Variants in RRP1B observed in about 807,000 individuals in gnomAD.
The protein encoded by RRP1B is ribosomal RNA processing protein 1 homolog B.
RRP1B carries 56 observed loss-of-function variants against 80.2 expected under a neutral mutation model. The ratio of observed to expected loss-of-function variants is 0.70; its 90% CI spans 0.56 to 0.87. RRP1B has a LOEUF of 0.87. RRP1B is among the 40% of genes least tolerant of loss of function. The pLI, the probability that RRP1B is intolerant of heterozygous loss-of-function variation, is 0.00. For synonymous variants in RRP1B, 351 were observed against 357.6 expected (o/e 0.98, Z 0.21); for missense variants, 807 against 939.8 (o/e 0.86, Z 1.85).
chr21:43,672,775 A>C (rs1568956029), intron 3 of RRP1B, among the ~76,000 whole-genome samples: 1 of 152,162 alleles, frequency 6.6e-6, no homozygotes, highest in African/African-American at 2.4e-5. Context: ...GAGAAAAAAA[A>C]TTAGTTAGGG....
At chr21:43,663,596 C>T (rs562673160) in intron 1 of RRP1B, among the ~76,000 whole-genome samples, 4 of 151,786 alleles carry the variant, frequency 2.6e-5, no homozygotes, top group Non-Finnish European at 4.4e-5. Flanking sequence ...CTTGCTCTGT[C>T]GCCCAGGCTG....
chr21:43,694,036 C>T lies in RRP1B; in HGVS notation c.*653C>T, dbSNP rs1314793021. 6.5e-6 allele frequency: 1 copy of T among 152,682 alleles called. No individual in the cohort carries two copies. The highest frequency in any genetic ancestry group is 2.4e-5 in the African/African-American group (1 of 41,418). 9.5% of individuals were successfully genotyped at this position (152,682 alleles called of 1,614,324 possible). A position where few individuals can be genotyped will look rare whatever the true frequency, so the allele number is the denominator to read the frequency against. On this transcript the variant is annotated 3_prime_UTR_variant, in exon 16 of 16. Transcript: ENST00000340648. ...TTCTTCTCCTCCCCCTACCCGGTTT[C>T]CCTCCCTGTTTTCCTACCTCTACGG...
rs1262009190 is a variant in RRP1B at position 43,675,106 on chromosome 21, G to A, written c.492G>A (p.Val164=). The A allele has an allele frequency of 6.2e-7, 1 of 1,613,942 alleles. No individual in the cohort carries two copies. The highest frequency in any genetic ancestry group is 1.3e-5 in the African/African-American group (1 of 74,904). Residue 164 remains valine, a synonymous_variant, in exon 6 of 16, where the codon GTG becomes GTA. Coordinates refer to ENST00000340648, the MANE Select transcript of RRP1B (RefSeq NM_015056.3). ...LCPESQSPNG[V]RFHFIDIYLD... is the part of the protein sequence containing the mutation. ...CTGAGAGTCAGTCTCCTAATGGAGT[G>A]AGATTCCACTTCATTGATATTTACC... is the stretch of plus-strand genomic sequence containing the variant.
In RRP1B at chr21:43,691,084, T is replaced by TA. The variant is rs751044399; in HGVS notation, c.2020-354dup. Reference sequence around the variant, plus strand: ...CGGGTTCTCAGTGGTGAACTGTTTTTAGGACAGTTCAGGCATCCTCTCTGT... The same window carrying TA: ...CGGGTTCTCAGTGGTGAACTGTTTTTAAGGACAGTTCAGGCATCCTCTCTGT... On this transcript the variant is annotated intron_variant, in intron 14 of 15. Coordinates refer to ENST00000340648, the MANE Select transcript of RRP1B (RefSeq NM_015056.3). This position sits in a 1 kb window ranked among gnomAD's most constrained non-coding sequence, Gnocchi z 4.2. Among the ~76,000 whole-genome samples the TA allele has an allele frequency of 6.6e-6, 1 of 152,206 alleles. No homozygotes were observed. Among genetic ancestry groups the TA allele is most frequent in the Non-Finnish European group, 1.5e-5 (1 of 68,028 alleles).
chr21:43,675,641 A>G (rs1188475375), intron 6 of RRP1B, among the ~76,000 whole-genome samples: 1 of 152,162 alleles, frequency 6.6e-6, no homozygotes, highest in Non-Finnish European at 1.5e-5. Context: ...TTAAAAGAAA[A>G]TATGTTATAT....
chr21:43,684,167 G>A lies in RRP1B; in HGVS notation c.892-386G>A, dbSNP rs529859670. On this transcript the variant is annotated intron_variant, in intron 9 of 15. Coordinates refer to ENST00000340648, the MANE Select transcript of RRP1B (RefSeq NM_015056.3). ...GCTCACTGCAAGCTCTGCCTCCTGA[G>A]TTCACGCCATTCTCCTGCCTCAGCC... Among the ~76,000 whole-genome samples the A allele has an allele frequency of 4.6e-4, 69 of 150,142 alleles. 1 individual carries two copies. The Middle Eastern group carries it at 0.024, about 52-fold the overall frequency.
At chr21:43,674,887 T>A in intron 5 of RRP1B, 147 bp from the exon 6 acceptor site, 1 of 1,175,784 alleles carries the variant, frequency 8.5e-7, no homozygotes, top group Non-Finnish European at 1.2e-6. Context: ...CTGATTTAAG[T>A]GATTGCTTTT....
intron 8 of RRP1B, among the ~76,000 whole-genome samples, chr21:43,682,858 C>T (rs1314547283): frequency 1.3e-5 from 2 of 152,192 alleles, no homozygotes; most frequent in Admixed American, 6.5e-5. Context: ...GAGTTTTTCT[C>T]CTTAAATAAA....
chr21:43,687,652 C>T lies in RRP1B; in HGVS notation c.1278C>T (p.Asn426=). 6.3e-7 allele frequency: 1 copy of T among 1,581,806 alleles called. No individual in the cohort carries two copies. The highest frequency in any genetic ancestry group is 1.1e-5 in the South Asian group (1 of 87,392). Reference sequence around the variant, plus strand: ...GTGCAGCCCCATCCCTGGAACAGAACCGGGGCAGGGAGCCCGAGGCCTCTG... The same window carrying T: ...GTGCAGCCCCATCCCTGGAACAGAATCGGGGCAGGGAGCCCGAGGCCTCTG... ...PGGAAPSLEQ[N]RGREPEASGL... is the part of the protein sequence containing the mutation. Residue 426 remains asparagine (N), a synonymous_variant, in exon 13 of 16, where the codon AAC becomes AAT. Transcript: ENST00000340648.
intron 1 of RRP1B, among the ~76,000 whole-genome samples, chr21:43,661,488 C>G (rs1199944467): frequency 1.3e-5 from 2 of 152,210 alleles, no homozygotes; most frequent in East Asian, 3.8e-4. Flanking sequence ...TCATCCTCTT[C>G]CCCTGGCCCA....
intron 4 of RRP1B, 39 bp from the exon 5 acceptor site, chr21:43,674,586 CTTTTTTTTTTT>C (rs33994751): frequency 1.2e-4 from 48 of 392,702 alleles, no homozygotes; most frequent in South Asian, 9.2e-4. Flanking sequence ...CTTACCTTTC[CTTTTTTTTTTT>C]TTTTTTTTTT....
chr21:43,683,106 C>T (rs976558932), intron 8 of RRP1B, among the ~76,000 whole-genome samples, 173 bp from the exon 9 acceptor site: 1 of 152,320 alleles, frequency 6.6e-6, no homozygotes, highest in East Asian at 1.9e-4. Context: ...TTCCTGGCCT[C>T]AAGTGATCCA....
chr21:43,690,179 G>A lies in RRP1B; in HGVS notation c.1867-109G>A, dbSNP rs1265498189. The A allele has an allele frequency of 6.8e-6, 9 of 1,315,730 alleles. No homozygotes were observed. In the East Asian group the frequency reaches 2.2e-4, roughly 33 times the overall value. The allele number at this position is 1,315,730 out of a possible 1,614,324, so 81.5% of individuals were successfully genotyped here. ...CGGTGCGGAAGACCGCGGGCCGTCG[G>A]GTGGGCTGGATCTGCCTGGGGCTCT... On this transcript the variant is annotated intron_variant, in intron 13 of 15. Transcript: ENST00000340648.
In RRP1B at chr21:43,690,281, C is replaced by CA. The variant is rs753011865; in HGVS notation, c.1867-6dup. 7 of 1,613,852 alleles carry CA rather than the reference C, an allele frequency of 4.3e-6. No individual in the cohort carries two copies. The African/African-American group carries it at 5.3e-5, about 12-fold the overall frequency. On this transcript the variant is annotated splice_polypyrimidine_tract_variant and splice_region_variant and intron_variant, in intron 13 of 15. Transcript: ENST00000340648. ...CCTCCTCCGCTTCTCACCCCTCGCT[C>CA]ACGTAGGGAAGCAGTGGGACTTGCA... is the stretch of plus-strand genomic sequence containing the variant.
Position 43,683,383 on chromosome 21 carries a change from A to AGTT in RRP1B, c.891+15_891+17dup. The AGTT allele has an allele frequency of 6.2e-7, 1 of 1,607,128 alleles. No homozygotes were observed. The highest frequency in any genetic ancestry group is 8.5e-7 in the Non-Finnish European group (1 of 1,173,720). On this transcript the variant is annotated intron_variant, in intron 9 of 15. Coordinates refer to ENST00000340648, the MANE Select transcript of RRP1B (RefSeq NM_015056.3). Reference sequence around the variant, plus strand: ...AGGGCCCCTTCTCCAGGTGGGTAGCAGTTGTTGCTTTTTATAGAATATAGA... The same window carrying AGTT: ...AGGGCCCCTTCTCCAGGTGGGTAGCAGTTGTTGTTGCTTTTTATAGAATATAGA...
Position 43,673,898 on chromosome 21 carries a change from A to G in RRP1B, c.300A>G (p.Gln100=). ...AQHLFIQTFW[Q]TMNREWKGID... ...ACCTGTTCATTCAGACCTTTTGGCA[A>G]ACCATGAATCGAGAATGGAAAGGAA... The change falls in exon 4 of 16, where the codon CAA becomes CAG. Residue 100 remains glutamine (Q), a synonymous_variant. Transcript: ENST00000340648. 1 of 1,613,786 alleles carries G rather than the reference A, an allele frequency of 6.2e-7. No individual in the cohort carries two copies. The highest frequency in any genetic ancestry group is 8.5e-7 in the Non-Finnish European group (1 of 1,179,794).
rs2083099210 is a variant in RRP1B at position 43,694,360 on chromosome 21, G to GT, written c.*978dup. Reference sequence around the variant, plus strand: ...CACTTACAGTTCAGACCGTTCTCCTGTAAGTTCATTACAAACACGGGCGGA... The same window carrying GT: ...CACTTACAGTTCAGACCGTTCTCCTGTTAAGTTCATTACAAACACGGGCGGA... On this transcript the variant is annotated 3_prime_UTR_variant, in exon 16 of 16. Coordinates refer to ENST00000340648, the MANE Select transcript of RRP1B (RefSeq NM_015056.3). The GT allele has an allele frequency of 6.6e-6, 1 of 152,224 alleles. No homozygotes were observed. The allele number at this position is 152,224 out of a possible 1,614,324, so 9.4% of individuals were successfully genotyped here.
chr21:43,663,762 A>G (rs1029691665), intron 1 of RRP1B, among the ~76,000 whole-genome samples: 4 of 152,002 alleles, frequency 2.6e-5, no homozygotes, highest in Non-Finnish European at 2.9e-5. Context: ...GTTTCACTCT[A>G]TGATGGCCAG....
intron 8 of RRP1B, among the ~76,000 whole-genome samples, chr21:43,680,728 G>A (rs965692344): frequency 1.3e-5 from 2 of 151,992 alleles, no homozygotes. Context: ...ATTTTTTGTA[G>A]AGACAGGGGT....
Sources: allele counts gnomAD v4.1 joint callset (sites outside exome capture counted in the v4.1 genomes callset), GRCh38; gene constraint gnomAD v4.1.1; non-coding constraint Gnocchi (gnomAD v3.1); transcripts MANE v1.5; gene names NCBI Gene and HGNC (gene_info 2026-07-23, HGNC 2026-07-21).